Variants in ENOX1 observed in about 807,000 individuals in gnomAD.
ENOX1 encodes the protein candidate growth-related and time keeping constitutive hydroquinone (NADH) oxidase.
In ENOX1, 42 loss-of-function variants were observed where a neutral mutation model predicts 82.5. The ratio of observed to expected loss-of-function variants is 0.51; its 90% confidence interval spans 0.40 to 0.66. ENOX1 has a LOEUF of 0.66. Among genes scored for constraint, ENOX1 ranks in the 30% least tolerant of loss-of-function variants. The pLI is 0.00. For missense variants in ENOX1, 608 were observed against 811.6 expected (o/e 0.75, Z 3.05); for synonymous variants, 271 against 282.2 (o/e 0.96, Z 0.40).
intron 3 of ENOX1, among the ~76,000 whole-genome samples, chr13:43,474,836 G>C (rs182715669): frequency 1.8e-4 from 27 of 151,998 alleles, no homozygotes; most frequent in African/African-American, 6.3e-4. Context: ...AACAAATATA[G>C]AGTGATTTCA....
rs185900840 is a variant in ENOX1, at chr13:43,461,903, T to C, written c.-75+22106A>G. 7.3e-4 allele frequency among the ~76,000 whole-genome samples: 111 copies of C among 152,324 alleles called. 1 individual carries two copies. The highest frequency in any genetic ancestry group is 2.3e-3 in the Admixed American group (35 of 15,300). On this transcript the variant is annotated intron_variant, in intron 3 of 16. Coordinates refer to ENST00000690772, the MANE Select transcript of ENOX1 (RefSeq NM_001347969.2). ...CAATCACTTTTTTGGTGCTAATTAC[T>C]TAAGACATTGAAAAAGAGGATTAGA...
intron 2 of ENOX1, among the ~76,000 whole-genome samples, chr13:43,581,613 T>G (rs1566571167): frequency 6.6e-6 from 1 of 152,208 alleles, no homozygotes; most frequent in Admixed American, 6.5e-5. Context: ...AAAAACATTT[T>G]CCAAACATCA....
chr13:43,562,242 T>C (rs2079711807), intron 2 of ENOX1, among the ~76,000 whole-genome samples: 1 of 152,116 alleles, frequency 6.6e-6, no homozygotes, highest in Non-Finnish European at 1.5e-5. Context: ...GGAATGAAGT[T>C]TAAAGTGTAG....
At chr13:43,726,592 AC>A (rs1350312472) in intron 1 of ENOX1, among the ~76,000 whole-genome samples, 1 of 152,186 alleles carries the variant, frequency 6.6e-6, no homozygotes, top group East Asian at 1.9e-4. Flanking sequence ...GTTGGAGAAC[AC>A]CTAACTCACT....
intron 1 of ENOX1, among the ~76,000 whole-genome samples, chr13:43,781,546 C>T (rs9595016): frequency 0.065 from 9,881 of 151,948 alleles, 403 homozygotes; most frequent in African/African-American, 0.11. Context: ...GGAGTTTCGC[C>T]CTTGTTGCCC....
At chr13:43,572,072 G>A (rs1219535550) in intron 2 of ENOX1, among the ~76,000 whole-genome samples, 1 of 151,912 alleles carries the variant, frequency 6.6e-6, no homozygotes, top group Non-Finnish European at 1.5e-5. Context: ...CAAAAATGAA[G>A]GTTGCTATAT....
intron 3 of ENOX1, among the ~76,000 whole-genome samples, chr13:43,477,884 C>T (rs116516396): frequency 0.012 from 1,767 of 152,124 alleles, 19 homozygotes; most frequent in Middle Eastern, 0.037. Context: ...TTAAGCTCCT[C>T]GCAAAGACTT....
rs578078466 is a variant in ENOX1, at chr13:43,599,031, G to A, written c.-219+68448C>T. Reference sequence around the variant, plus strand: ...TCGTGAGCTTGGTGAACATGATGGAGGGAAGAGGTCTGAATTCTGTGGTGC... The same window carrying A: ...TCGTGAGCTTGGTGAACATGATGGAAGGAAGAGGTCTGAATTCTGTGGTGC... On this transcript the variant is annotated intron_variant, in intron 2 of 16. Coordinates refer to ENST00000690772, the MANE Select transcript of ENOX1 (RefSeq NM_001347969.2). 4.6e-5 allele frequency among the ~76,000 whole-genome samples: 7 copies of A among 152,236 alleles called. No individual in the cohort carries two copies. In the East Asian group the frequency reaches 1.4e-3, roughly 29 times the overall value.
At chr13:43,618,506 C>T (rs2082582259) in intron 2 of ENOX1, among the ~76,000 whole-genome samples, 1 of 152,146 alleles carries the variant, frequency 6.6e-6, no homozygotes, top group Admixed American at 6.6e-5. Flanking sequence ...GTCCTTTCCC[C>T]ACTTTATGTT....
chr13:43,300,478 G>T (rs927705018), intron 11 of ENOX1, among the ~76,000 whole-genome samples: 1 of 152,164 alleles, frequency 6.6e-6, no homozygotes, highest in African/African-American at 2.4e-5. Context: ...GGCTTTGGAA[G>T]ATGAAAACCC....
rs76929158 is a variant in ENOX1, at chr13:43,330,173, G to A, written c.1037-3648C>T. Among the ~76,000 whole-genome samples, 992 of 152,304 alleles carry A rather than the reference G, an allele frequency of 6.5e-3. 7 individuals carry two copies. Among genetic ancestry groups the A allele is most frequent in the African/African-American group, 0.023 (940 of 41,560 alleles). ...ATCTATATACAATAAAACCTGTTAA[G>A]AAGTTACTATCAGAACAGGCTCTTC... On this transcript the variant is annotated intron_variant, in intron 9 of 16. Transcript: ENST00000690772.
intron 5 of ENOX1, among the ~76,000 whole-genome samples, chr13:43,370,774 T>G (rs1279524907): frequency 6.6e-6 from 1 of 152,206 alleles, no homozygotes; most frequent in Non-Finnish European, 1.5e-5. Context: ...TGGAGCCACT[T>G]TAGAAAGGAT....
intron 1 of ENOX1, among the ~76,000 whole-genome samples, chr13:43,780,399 T>C (rs1841511805): frequency 6.6e-6 from 1 of 152,052 alleles, no homozygotes; most frequent in Non-Finnish European, 1.5e-5. Flanking sequence ...ATTGAGCACC[T>C]AATATATGCA....
rs142352116 is a variant in ENOX1, at chr13:43,266,452, C to T, written c.1555-998G>A. Among the ~76,000 whole-genome samples, 19 of 152,236 alleles carry T rather than the reference C, an allele frequency of 1.2e-4. No individual in the cohort carries two copies. In the East Asian group the frequency reaches 2.3e-3, roughly 19 times the overall value. On this transcript the variant is annotated intron_variant, in intron 13 of 16. Transcript: ENST00000690772. ...ACTCCCAGCAAAAAAAAGCCCTACC[C>T]GCTCCATGCCAAAGAAGGGGTTTTG... is the stretch of plus-strand genomic sequence containing the variant.
At chr13:43,572,126 CATAGAG>C (rs2080212967) in intron 2 of ENOX1, among the ~76,000 whole-genome samples, 1 of 152,132 alleles carries the variant, frequency 6.6e-6, no homozygotes, top group South Asian at 2.1e-4. Flanking sequence ...CATTATAATA[CATAGAG>C]ATAAACAAAA....
chr13:43,758,597 A>T (rs1213013014), intron 1 of ENOX1, among the ~76,000 whole-genome samples: 2 of 152,220 alleles, frequency 1.3e-5, no homozygotes, highest in Non-Finnish European at 2.9e-5. Context: ...TTTGTAAGAT[A>T]TGACTATTTG....
At position 43,247,883 on chromosome 13, in the gene ENOX1, A is replaced by ATTTTTT. The variant is rs869265102; in HGVS notation, c.1612-11151_1612-11146dup. On this transcript the variant is annotated intron_variant, in intron 14 of 16. Coordinates refer to ENST00000690772, the MANE Select transcript of ENOX1 (RefSeq NM_001347969.2). Reference sequence around the variant, plus strand: ...TATATATATATATATATATATATATATTTTTTTTTTTTTTTTTTTTGAGAC... The same window carrying ATTTTTT: ...TATATATATATATATATATATATATATTTTTTTTTTTTTTTTTTTTTTTTTTGAGAC... Among the ~76,000 whole-genome samples the ATTTTTT allele has an allele frequency of 8.2e-4, 12 of 14,646 alleles. 1 individual carries two copies. The highest frequency in any genetic ancestry group is 1.9e-3 in the East Asian group (1 of 536). 9.6% of individuals were successfully genotyped at this position (14,646 alleles called of 152,430 possible). A position where few individuals can be genotyped will look rare whatever the true frequency, so the allele number is the denominator to read the frequency against.
intron 2 of ENOX1, among the ~76,000 whole-genome samples, chr13:43,646,685 G>C (rs2083908821): frequency 6.6e-6 from 1 of 152,136 alleles, no homozygotes; most frequent in Non-Finnish European, 1.5e-5. Flanking sequence ...TCTCACAGAG[G>C]ATATGGGAAG....
intron 2 of ENOX1, among the ~76,000 whole-genome samples, chr13:43,575,140 GGCCCTTTAATATTTA>G (rs2153713604): frequency 6.6e-6 from 1 of 152,266 alleles, no homozygotes; most frequent in East Asian, 1.9e-4. Flanking sequence ...TGAATCGCTT[GGCCCTTTAATATTTA>G]ACTTCACTGA....
Sources: gnomAD v4.1 joint callset for allele counts (sites outside exome capture counted in the v4.1 genomes callset) on GRCh38, gnomAD v4.1.1 for gene constraint, MANE v1.5 for transcripts, NCBI Gene and HGNC (gene_info 2026-07-23, HGNC 2026-07-21) for gene names.